CCT6B: variants seen among roughly 807,000 people sequenced by gnomAD.
The protein encoded by CCT6B is probable T-complex protein 1 subunit zeta-2.
A neutral mutation model predicts 61.5 loss-of-function variants in CCT6B; 49 were observed. The ratio of observed to expected loss-of-function variants is 0.80; its 90% CI spans 0.63 to 1.01. CCT6B has a LOEUF of 1.01. Ranked by LOEUF, CCT6B falls within the 50% of genes least tolerant of loss-of-function variation. The pLI is 0.00. For missense variants in CCT6B, 666 were observed against 634.7 expected (o/e 1.05, Z -0.53); for synonymous variants, 228 against 214.5 (o/e 1.06, Z -0.55).
At chr17:34,953,134 G>T (rs1219685005) in intron 4 of CCT6B, among the ~76,000 whole-genome samples, 1 of 151,838 alleles carries the variant, frequency 6.6e-6, no homozygotes, top group East Asian at 1.9e-4. Context: ...AATTATTAAG[G>T]TAGTATTCTG....
intron 5 of CCT6B, among the ~76,000 whole-genome samples, chr17:34,950,017 T>A (rs1567671020): frequency 6.6e-6 from 1 of 152,184 alleles, no homozygotes; most frequent in African/African-American, 2.4e-5. Context: ...ATAAAGCAAG[T>A]GTCAACAAAT....
At chr17:34,939,579 G>A in intron 9 of CCT6B, 38 bp downstream of exon 9, 3 of 1,276,410 alleles carry the variant, frequency 2.4e-6, no homozygotes, top group Non-Finnish European at 3.4e-6. Context: ...AGGGGGCTTA[G>A]TATTCACTTT....
chr17:34,938,871 C>A (rs1313957590), intron 10 of CCT6B, among the ~76,000 whole-genome samples: 1 of 152,066 alleles, frequency 6.6e-6, no homozygotes, highest in Non-Finnish European at 1.5e-5. Flanking sequence ...TCGCTTGAGC[C>A]CAGGAGTTCG....
In CCT6B at chr17:34,932,428, A is replaced by T; in HGVS notation, c.1286T>A (p.Ile429Lys). ...AEALVTYKNS[I>K]KGRARLGVQA... ...GACTCCAAGACGAGCTCTTCCTTTT[A>T]TACTGTTCTTATATGTAACAAGAGC... Residue 429 changes from isoleucine to lysine, a missense_variant, in exon 11 of 14, where the codon ATA becomes AAA. Transcript: ENST00000314144. 6.2e-7 allele frequency: 1 copy of T among 1,612,514 alleles called. No individual in the cohort carries two copies. Among genetic ancestry groups the T allele is most frequent in the Non-Finnish European group, 8.5e-7 (1 of 1,179,360 alleles).
chr17:34,948,581 G>A (rs2090251965), intron 5 of CCT6B, among the ~76,000 whole-genome samples: 1 of 151,976 alleles, frequency 6.6e-6, no homozygotes, highest in African/African-American at 2.4e-5. Flanking sequence ...GAATGTTTTG[G>A]CACATGCCCG....
chr17:34,942,905 A>T lies in CCT6B; in HGVS notation c.616T>A (p.Leu206Met). Residue 206 changes from leucine to methionine, a missense_variant and splice_region_variant, in exon 6 of 14, where the codon TTG (leucine) becomes ATG (methionine). Transcript: ENST00000314144. ...TGATCCAAAACTAATCCTTGGATCA[A>T]CCTATTAAAAATATTAATGTTTCTT... ...MKHKLGTDTK[L>M]IQGLVLDHGA... The T allele has an allele frequency of 6.5e-7, 1 of 1,548,390 alleles. No homozygotes were observed.
chr17:34,956,778 C>A (rs189321783), intron 3 of CCT6B, among the ~76,000 whole-genome samples: 5 of 152,136 alleles, frequency 3.3e-5, no homozygotes, highest in African/African-American at 1.2e-4. Context: ...CTTCGCTCTC[C>A]TCTGTCCTCT....
At chr17:34,955,558 T>C (rs552116825) in intron 3 of CCT6B, among the ~76,000 whole-genome samples, 3 of 152,314 alleles carry the variant, frequency 2.0e-5, no homozygotes, top group East Asian at 1.9e-4. Context: ...GAATTCTTTG[T>C]AGTATGTTTG....
At chr17:34,933,039 C>A (rs2090054333) in intron 10 of CCT6B, among the ~76,000 whole-genome samples, 1 of 152,150 alleles carries the variant, frequency 6.6e-6, no homozygotes, top group Admixed American at 6.6e-5. Context: ...ACCTCCGTCT[C>A]CCAAAATGCT....
intron 10 of CCT6B, among the ~76,000 whole-genome samples, 160 bp from the exon 11 acceptor site, chr17:34,932,660 TG>T (rs1358440948): frequency 2.0e-5 from 3 of 152,242 alleles, no homozygotes; most frequent in Admixed American, 1.3e-4. Flanking sequence ...TGAAACATCC[TG>T]AAGTTATATG....
chr17:34,940,281 A>G (rs1320491020), intron 8 of CCT6B, among the ~76,000 whole-genome samples: 1 of 152,098 alleles, frequency 6.6e-6, no homozygotes, highest in Non-Finnish European at 1.5e-5. Flanking sequence ...ATGCTGTATT[A>G]TGTTGTATTG....
At chr17:34,930,610 G>T (rs1314274116) in intron 12 of CCT6B, among the ~76,000 whole-genome samples, 3 of 151,944 alleles carry the variant, frequency 2.0e-5, no homozygotes, top group African/African-American at 7.3e-5. Context: ...CATTATTATA[G>T]CACTCTTTTT....
At chr17:34,938,051 G>A (rs896135902) in intron 10 of CCT6B, among the ~76,000 whole-genome samples, 8 of 151,802 alleles carry the variant, frequency 5.3e-5, no homozygotes, top group Non-Finnish European at 8.8e-5. Context: ...CACCACGCCT[G>A]GCTATTTGTG....
At chr17:34,947,089 A>C (rs769154744) in intron 5 of CCT6B, among the ~76,000 whole-genome samples, 10 of 152,202 alleles carry the variant, frequency 6.6e-5, no homozygotes, top group Admixed American at 2.0e-4. Context: ...GACATTGTTT[A>C]AGAGAAAATT....
intron 5 of CCT6B, among the ~76,000 whole-genome samples, chr17:34,948,120 A>G (rs777668433): frequency 6.6e-6 from 1 of 151,876 alleles, no homozygotes; most frequent in Non-Finnish European, 1.5e-5. Flanking sequence ...TTTAGTGGTG[A>G]TTTCTTAGAT....
intron 4 of CCT6B, among the ~76,000 whole-genome samples, chr17:34,953,824 C>A (rs558618788): frequency 6.6e-6 from 1 of 151,914 alleles, no homozygotes; most frequent in Admixed American, 6.6e-5. Context: ...CGTGGTGGCA[C>A]GCGCCTGTAA....
rs777234892 is a variant in CCT6B at position 34,939,697 on chromosome 17, CACAA to C, written c.981_984del (p.Cys328ValfsTer5). ...TCAAAAGAATTCACGGCCATTCCAC[CACAA>C]GCAAGAGAGAGTCTGAAATTACATA... On this transcript the variant is annotated frameshift_variant, in exon 9 of 14. Coordinates refer to ENST00000314144, the MANE Select transcript of CCT6B (RefSeq NM_006584.4). LOFTEE classifies it high-confidence loss of function. The C allele has an allele frequency of 6.2e-7, 1 of 1,611,856 alleles. No homozygotes were observed. The highest frequency in any genetic ancestry group is 8.5e-7 in the Non-Finnish European group (1 of 1,178,164).
intron 5 of CCT6B, among the ~76,000 whole-genome samples, chr17:34,944,837 A>T (rs1436295336): frequency 6.6e-6 from 1 of 152,250 alleles, no homozygotes; most frequent in Admixed American, 6.5e-5. Context: ...GAGGCAGGAG[A>T]ATGGCGTAAG....
chr17:34,956,072 T>A (rs984030321), intron 3 of CCT6B, among the ~76,000 whole-genome samples: 1 of 152,226 alleles, frequency 6.6e-6, no homozygotes, highest in Admixed American at 6.5e-5. Flanking sequence ...CCTGACCATA[T>A]CAGTCATTAG....
Sources: allele counts gnomAD v4.1 joint callset (sites outside exome capture counted in the v4.1 genomes callset), GRCh38; gene constraint gnomAD v4.1.1; transcripts MANE v1.5; gene names NCBI Gene and HGNC (gene_info 2026-07-23, HGNC 2026-07-21).